CSMD1: variants seen among roughly 807,000 people sequenced by gnomAD.
CSMD1 encodes the protein CUB and Sushi multiple domains 1.
CSMD1 carries 213 observed loss-of-function variants against 417.5 expected under a neutral mutation model. The observed-to-expected ratio is 0.51, with a 90% CI of 0.46 to 0.57. The LOEUF is 0.57. Among genes scored for constraint, CSMD1 ranks in the 20% least tolerant of loss-of-function variants. The probability of loss-of-function intolerance (pLI) is 0.00; values close to 1 mark genes in which losing one functional copy is unlikely to be tolerated. For synonymous variants in CSMD1, 2,862 were observed against 1,736.8 expected (o/e 1.65, Z -16.11); for missense variants, 6,923 against 4,529.7 (o/e 1.53, Z -15.17).
At chr8:4,496,088 T>G (rs1801963341) in intron 2 of CSMD1, among the ~76,000 whole-genome samples, 1 of 152,316 alleles carries the variant, frequency 6.6e-6, no homozygotes, top group East Asian at 1.9e-4. Flanking sequence ...GCCAATCAAA[T>G]TTTGGCATAC....
Position 4,530,121 on chromosome 8 carries a change from G to C in CSMD1, c.302+107221C>G, listed in dbSNP as rs1446123383. The stretch of plus-strand genomic sequence containing the variant: ...GTAGATACGGGGTTTCACCGTGTTA[G>C]CCAGGATGGTCTCGATCTCCTGACC... On this transcript the variant is annotated intron_variant, in intron 2 of 69. Transcript: ENST00000635120. 3.3e-5 allele frequency among the ~76,000 whole-genome samples: 5 copies of C among 151,630 alleles called. No homozygotes were observed. In the East Asian group the frequency reaches 7.9e-4, roughly 24 times the overall value.
chr8:4,089,285 T>C (rs1800591328), intron 3 of CSMD1, among the ~76,000 whole-genome samples: 1 of 152,170 alleles, frequency 6.6e-6, no homozygotes, highest in Non-Finnish European at 1.5e-5. Flanking sequence ...GTGGGGTGCC[T>C]GCCAACTTGT....
At chr8:4,907,215 TC>T (rs1563732716) in intron 1 of CSMD1, among the ~76,000 whole-genome samples, 1 of 152,224 alleles carries the variant, frequency 6.6e-6, no homozygotes, top group African/African-American at 2.4e-5. Context: ...CTCTTTGAAA[TC>T]TTCCTAGTGA....
chr8:4,206,333 A>G (rs1799977036), intron 3 of CSMD1, among the ~76,000 whole-genome samples: 1 of 152,074 alleles, frequency 6.6e-6, no homozygotes, highest in South Asian at 2.1e-4. Context: ...TCCTGATGCT[A>G]TCCCTTTCCC....
chr8:4,566,455 C>T (rs1161003928), intron 2 of CSMD1, among the ~76,000 whole-genome samples: 3 of 151,536 alleles, frequency 2.0e-5, no homozygotes, highest in Non-Finnish European at 4.4e-5. Flanking sequence ...AGAACGAGAC[C>T]ATCCTGGCTA....
intron 2 of CSMD1, among the ~76,000 whole-genome samples, chr8:4,595,382 A>ATTTTTTTTTTTTTTTTCTTTTTTT (rs1800209775): frequency 6.6e-6 from 1 of 151,782 alleles, no homozygotes; most frequent in Non-Finnish European, 1.5e-5. Flanking sequence ...TGATGCATTC[A>ATTTTTTTTTTTTTTTTCTTTTTTT]TTTTCATTCC....
intron 10 of CSMD1, among the ~76,000 whole-genome samples, chr8:3,564,792 G>C (rs2116883517): frequency 6.6e-6 from 1 of 152,090 alleles, no homozygotes; most frequent in Non-Finnish European, 1.5e-5. Context: ...GGTGATGACA[G>C]AGGTGTGAGA....
chr8:3,108,127 G>C (rs1223783734), intron 44 of CSMD1, among the ~76,000 whole-genome samples: 2 of 152,222 alleles, frequency 1.3e-5, no homozygotes, highest in Non-Finnish European at 1.5e-5. Context: ...GTGCAGATTT[G>C]ATAACGTCTG....
At chr8:3,838,584 T>C (rs1455776501) in intron 5 of CSMD1, among the ~76,000 whole-genome samples, 2 of 138,942 alleles carry the variant, frequency 1.4e-5, no homozygotes, top group African/African-American at 5.5e-5. Flanking sequence ...TATATATCTA[T>C]AGTCCCTCTC....
intron 2 of CSMD1, among the ~76,000 whole-genome samples, chr8:4,470,085 T>G (rs1176141110): frequency 1.3e-5 from 2 of 151,974 alleles, no homozygotes; most frequent in Non-Finnish European, 2.9e-5. Context: ...TTAGCCAGGA[T>G]GGTCTCGATC....
At chr8:4,850,907 C>G (rs1801436073) in intron 1 of CSMD1, among the ~76,000 whole-genome samples, 1 of 123,782 alleles carries the variant, frequency 8.1e-6, no homozygotes, top group Admixed American at 7.6e-5. Context: ...GTTTCCCTTG[C>G]CCCCCCACTT....
At position 3,354,581 on chromosome 8, in the gene CSMD1, C is replaced by T. The variant is rs185986780; in HGVS notation, c.3304+4571G>A. On this transcript the variant is annotated intron_variant, in intron 21 of 69. Coordinates refer to ENST00000635120, the MANE Select transcript of CSMD1 (RefSeq NM_033225.6). ...AAATATGCAATTCCATATTTACTCA[C>T]GAAGAATATTTAAGAATTTCACAAA... Among the ~76,000 whole-genome samples the T allele has an allele frequency of 4.5e-3, 691 of 152,150 alleles. 6 individuals carry two copies. Among genetic ancestry groups the T allele is most frequent in the African/African-American group, 0.016 (665 of 41,512 alleles).
chr8:3,775,065 C>A (rs1366006353), intron 5 of CSMD1, among the ~76,000 whole-genome samples: 1 of 152,120 alleles, frequency 6.6e-6, no homozygotes. Context: ...CAATTTAAAA[C>A]TTACGAATTG....
chr8:3,110,199 G>A lies in CSMD1; in HGVS notation c.6567C>T (p.Thr2189=), dbSNP rs778329445. ...CGTTGACAGCTTCCGTCTGTAACAG[G>A]GTGAAGTTGATGTAAACTCCGTGCC... ...PPGHGVYINF[T]LLQTEAVNDY... The change falls in exon 43 of 70, where the codon ACC becomes ACT. Residue 2189 remains threonine, a synonymous_variant. Coordinates refer to ENST00000635120, the MANE Select transcript of CSMD1 (RefSeq NM_033225.6). The A allele has an allele frequency of 1.2e-6, 2 of 1,613,032 alleles. No individual in the cohort carries two copies.
At chr8:3,662,927 G>A (rs1023446700) in intron 7 of CSMD1, among the ~76,000 whole-genome samples, 4 of 152,104 alleles carry the variant, frequency 2.6e-5, no homozygotes, top group African/African-American at 9.7e-5. Context: ...GATAGGTGCA[G>A]CAAACCACCA....
At chr8:3,335,640 C>T (rs145225030) in intron 23 of CSMD1, among the ~76,000 whole-genome samples, 2,068 of 152,284 alleles carry the variant, frequency 0.014, 46 homozygotes, top group African/African-American at 0.047. Flanking sequence ...CGTGCCATTG[C>T]ACTCCAGCCT....
At chr8:3,156,899 G>C (rs1412690088) in intron 39 of CSMD1, among the ~76,000 whole-genome samples, 2 of 151,042 alleles carry the variant, frequency 1.3e-5, no homozygotes, top group East Asian at 3.9e-4. Context: ...GATACGCTCA[G>C]GTGGAAGGGG....
In CSMD1 at chr8:4,620,986, GA is replaced by G. The variant is rs548820467; in HGVS notation, c.302+16355del. On this transcript the variant is annotated intron_variant, in intron 2 of 69. Transcript: ENST00000635120. Reference sequence around the variant, plus strand: ...AAATTGGCAAACTCTTGGCTAGAAAGATTTTAAAAGGGAATTAATACAAATC... The same window carrying G: ...AAATTGGCAAACTCTTGGCTAGAAAGTTTTAAAAGGGAATTAATACAAATC... 3.1e-3 allele frequency among the ~76,000 whole-genome samples: 473 copies of G among 151,978 alleles called. 1 individual carries two copies. Among genetic ancestry groups the G allele is most frequent in the Non-Finnish European group, 5.6e-3 (382 of 67,816 alleles).
intron 1 of CSMD1, among the ~76,000 whole-genome samples, chr8:4,672,232 G>A (rs1231616804): frequency 1.3e-5 from 2 of 152,162 alleles, no homozygotes; most frequent in African/African-American, 4.8e-5. Flanking sequence ...AAGGTTATAT[G>A]TGCACAGGTC....
Sources: gnomAD v4.1 joint callset for allele counts (sites outside exome capture counted in the v4.1 genomes callset) on GRCh38, gnomAD v4.1.1 for gene constraint, MANE v1.5 for transcripts, NCBI Gene and HGNC (gene_info 2026-07-23, HGNC 2026-07-21) for gene names.